The following PITPNB variants were observed in gnomAD, a reference collection of about 807,000 sequenced individuals.
PITPNB encodes the protein phosphatidylinositol transfer protein beta isoform.
In PITPNB, 16 loss-of-function variants were observed where a neutral mutation model predicts 45.9. That is an observed-to-expected ratio of 0.35 (90% CI 0.24 to 0.53). The LOEUF (loss-of-function observed/expected upper bound fraction) is 0.53. Among genes scored for constraint, PITPNB ranks in the 20% least tolerant of loss-of-function variants. The pLI is 0.93. For missense variants in PITPNB, 188 were observed against 330.5 expected (o/e 0.57, Z 3.34); for synonymous variants, 112 against 108.9 (o/e 1.03, Z -0.18).
chr22:27,911,179 TTAA>T, intron 2 of PITPNB, 70 bp from the exon 3 acceptor site: 1 of 1,074,258 alleles, frequency 9.3e-7, no homozygotes, highest in Non-Finnish European at 1.4e-6. Flanking sequence ...TGCTAAAATC[TTAA>T]TAATATAGAT....
intron 7 of PITPNB, among the ~76,000 whole-genome samples, chr22:27,876,521 A>G (rs1332741724): frequency 6.6e-6 from 1 of 152,236 alleles, no homozygotes; most frequent in African/African-American, 2.4e-5. Context: ...GTTAGTTTGA[A>G]TATGAAGAAT....
intron 7 of PITPNB, among the ~76,000 whole-genome samples, chr22:27,886,802 G>A (rs1352175440): frequency 1.3e-5 from 2 of 152,152 alleles, no homozygotes; most frequent in African/African-American, 2.4e-5. Context: ...TGACTCTGAG[G>A]ACTTCACTCA....
intron 1 of PITPNB, among the ~76,000 whole-genome samples, 174 bp from the exon 2 acceptor site, chr22:27,914,521 G>A (rs1936023568): frequency 6.6e-6 from 1 of 152,070 alleles, no homozygotes; most frequent in Non-Finnish European, 1.5e-5. Context: ...ACCATAATTG[G>A]GGAACTAAAA....
chr22:27,868,938 G>T (rs577281367), intron 8 of PITPNB, among the ~76,000 whole-genome samples: 2 of 152,268 alleles, frequency 1.3e-5, no homozygotes, highest in African/African-American at 2.4e-5. Context: ...TGGCTTAAAT[G>T]AAGGAAGAAA....
At chr22:27,858,538 T>C (rs1934235254) in intron 9 of PITPNB, 29 bp from the exon 10 acceptor site, 2 of 1,583,936 alleles carry the variant, frequency 1.3e-6, no homozygotes, top group Non-Finnish European at 1.7e-6. Context: ...AAAAGTAGCA[T>C]AAGATGACAA....
At chr22:27,917,390 G>C (rs1005176411) in intron 1 of PITPNB, among the ~76,000 whole-genome samples, 4 of 152,204 alleles carry the variant, frequency 2.6e-5, no homozygotes, top group Non-Finnish European at 5.9e-5. Context: ...CAACTCACTT[G>C]CTGTGTAACT....
chr22:27,877,745 G>A (rs1934860032), intron 7 of PITPNB, among the ~76,000 whole-genome samples: 3 of 152,194 alleles, frequency 2.0e-5, no homozygotes, highest in Non-Finnish European at 4.4e-5. Context: ...AATTATGAAT[G>A]GGGAAGTGAG....
At chr22:27,909,950 CT>C (rs544649700) in intron 3 of PITPNB, among the ~76,000 whole-genome samples, 12,144 of 130,236 alleles carry the variant, frequency 0.093, 372 homozygotes, top group Middle Eastern at 0.17. Context: ...CCACTAATTT[CT>C]TTTTTTTTTT....
intron 4 of PITPNB, 87 bp downstream of exon 4, chr22:27,897,714 T>C (rs1935475300): frequency 1.1e-6 from 1 of 886,022 alleles, no homozygotes. Context: ...CCTTGCTCAG[T>C]GTAAACCTTC....
rs1446350504 is a variant in PITPNB at position 27,852,420 on chromosome 22, T to A, written c.*1282A>T. On this transcript the variant is annotated 3_prime_UTR_variant, in exon 12 of 12. Coordinates refer to ENST00000335272, the MANE Select transcript of PITPNB (RefSeq NM_012399.5). ...CCTTCCTTTAAATAAAAAATAAAAT[T>A]AAATTAAAAAAAGTGGCAGCCGTTT... 2 of 152,228 alleles carry A rather than the reference T, an allele frequency of 1.3e-5. No individual in the cohort carries two copies. The highest frequency in any genetic ancestry group is 2.4e-5 in the African/African-American group (1 of 41,536). 9.4% of individuals were successfully genotyped at this position (152,228 alleles called of 1,614,324 possible). A position where few individuals can be genotyped will look rare whatever the true frequency, so the allele number is the denominator to read the frequency against.
At chr22:27,863,522 C>G (rs753123752) in intron 8 of PITPNB, among the ~76,000 whole-genome samples, 1 of 152,196 alleles carries the variant, frequency 6.6e-6, no homozygotes, top group Non-Finnish European at 1.5e-5. Context: ...GAGTACCCCA[C>G]CAAACTGCTG....
intron 3 of PITPNB, among the ~76,000 whole-genome samples, chr22:27,904,050 C>T (rs1430888201): frequency 5.3e-5 from 8 of 152,156 alleles, no homozygotes; most frequent in Admixed American, 2.0e-4. Flanking sequence ...GTAGTTGTTT[C>T]GGGAAGCTGA....
At chr22:27,873,636 T>C (rs1030245917) in intron 8 of PITPNB, 102 bp downstream of exon 8, 4 of 727,594 alleles carry the variant, frequency 5.5e-6, no homozygotes, top group Non-Finnish European at 4.9e-6. Context: ...TTTTGTGCCA[T>C]TTCTATTTTT....
chr22:27,866,888 T>A (rs574844425), intron 8 of PITPNB, among the ~76,000 whole-genome samples: 34 of 152,268 alleles, frequency 2.2e-4, no homozygotes, highest in African/African-American at 6.5e-4. Context: ...CCAGTGTGTG[T>A]GCATCAGTAA....
intron 3 of PITPNB, among the ~76,000 whole-genome samples, chr22:27,910,251 A>AT (rs1935883654): frequency 1.3e-5 from 2 of 151,432 alleles, no homozygotes; most frequent in Admixed American, 6.6e-5. Context: ...CGCCTGGCCA[A>AT]TTTTTTTGCT....
At chr22:27,884,915 T>C (rs553787232) in intron 7 of PITPNB, among the ~76,000 whole-genome samples, 5 of 152,222 alleles carry the variant, frequency 3.3e-5, no homozygotes, top group Admixed American at 2.6e-4. Flanking sequence ...TTGAAAATTA[T>C]ACAAATAAAG....
At chr22:27,891,526 T>C (rs1366888680) in intron 7 of PITPNB, among the ~76,000 whole-genome samples, 1 of 152,148 alleles carries the variant, frequency 6.6e-6, no homozygotes, top group Non-Finnish European at 1.5e-5. Flanking sequence ...CCAAATCTCA[T>C]CTCAAATTGT....
Position 27,853,054 on chromosome 22 carries a change from T to G in PITPNB, c.*648A>C, listed in dbSNP as rs1013047286. The G allele has an allele frequency of 6.6e-6, 1 of 152,592 alleles. No individual in the cohort carries two copies. Among genetic ancestry groups the G allele is most frequent in the Non-Finnish European group, 1.5e-5 (1 of 68,044 alleles). 9.5% of individuals were successfully genotyped at this position (152,592 alleles called of 1,614,324 possible). ...TATATTGTCAAATTTGGCTACAAGA[T>G]AATGACCATCCAGAAATAAATAGTT... On this transcript the variant is annotated 3_prime_UTR_variant, in exon 12 of 12. Coordinates refer to ENST00000335272, the MANE Select transcript of PITPNB (RefSeq NM_012399.5).
intron 1 of PITPNB, among the ~76,000 whole-genome samples, chr22:27,915,494 T>A (rs1936050330): frequency 6.6e-6 from 1 of 152,102 alleles, no homozygotes; most frequent in African/African-American, 2.4e-5. Context: ...CATCTACTCC[T>A]TTCTCCCTAC....
Sources: gnomAD v4.1 joint callset for allele counts (sites outside exome capture counted in the v4.1 genomes callset) on GRCh38, gnomAD v4.1.1 for gene constraint, MANE v1.5 for transcripts, NCBI Gene and HGNC (gene_info 2026-07-23, HGNC 2026-07-21) for gene names.